The following GRM4 variants were observed in gnomAD, a reference collection of about 807,000 sequenced individuals.
GRM4 encodes the protein glutamate metabotropic receptor 4, also known as metabotropic glutamate receptor 4.
GRM4 carries 28 observed loss-of-function variants against 81.7 expected under a neutral mutation model. The observed-to-expected ratio is 0.34, with a 90% CI of 0.25 to 0.47. The LOEUF (loss-of-function observed/expected upper bound fraction) is 0.47. Ranked by LOEUF, GRM4 falls within the 20% of genes least tolerant of loss-of-function variation. The pLI, the probability that GRM4 is intolerant of heterozygous loss-of-function variation, is 1.00. For missense variants in GRM4, 948 were observed against 1,290.0 expected, an observed-to-expected ratio of 0.73 and a Z score of 4.06; for synonymous variants, 488 against 528.8, an observed-to-expected ratio of 0.92 and a Z score of 1.06.
chr6:34,138,888 C>A (rs1770570429), intron 1 of GRM4, among the ~76,000 whole-genome samples: 1 of 152,200 alleles, frequency 6.6e-6, no homozygotes, highest in Admixed American at 6.5e-5. Flanking sequence ...AAGGCCCCTT[C>A]CATAAGCAAC....
intron 2 of GRM4, among the ~76,000 whole-genome samples, chr6:34,119,805 G>C (rs1352480987): frequency 6.6e-6 from 1 of 152,226 alleles, no homozygotes. Context: ...ATGCTGCCAG[G>C]TGACCCAGCA....
chr6:34,057,397 A>T (rs1412560691), intron 5 of GRM4, among the ~76,000 whole-genome samples: 2 of 152,212 alleles, frequency 1.3e-5, no homozygotes, highest in African/African-American at 4.8e-5. Flanking sequence ...GGAAGCGTCC[A>T]AGTGGAAGCA....
At position 34,122,110 on chromosome 6, in the gene GRM4, C is replaced by T. The variant is rs889743062; in HGVS notation, c.519+10868G>A. Among the ~76,000 whole-genome samples the T allele has an allele frequency of 2.0e-5, 3 of 152,122 alleles. No homozygotes were observed. In the South Asian group the frequency reaches 6.2e-4, roughly 32 times the overall value. Reference sequence around the variant, plus strand: ...ATGTGTCCCACAGGGAACAGGTGGGCTTGACAGCCGTTCTGCCTCCAGCCC... The same window carrying T: ...ATGTGTCCCACAGGGAACAGGTGGGTTTGACAGCCGTTCTGCCTCCAGCCC... On this transcript the variant is annotated intron_variant, in intron 2 of 10. Coordinates refer to ENST00000538487, the MANE Select transcript of GRM4 (RefSeq NM_000841.4).
In GRM4 at chr6:34,090,753, G is replaced by A. The variant is rs1041920184; in HGVS notation, c.736+1130C>T. Among the ~76,000 whole-genome samples the A allele has an allele frequency of 3.3e-5, 5 of 152,008 alleles. No homozygotes were observed. Among genetic ancestry groups the A allele is most frequent in the Non-Finnish European group, 7.4e-5 (5 of 67,992 alleles). On this transcript the variant is annotated intron_variant, in intron 3 of 10. Transcript: ENST00000538487. The surrounding 1 kb of genome is among the most constrained non-coding windows in gnomAD (Gnocchi z 5.2). Reference sequence around the variant, plus strand: ...ATTATGCCCACGGGGTGTTACCAACGGCAGCCTCTGGACACTCTGTAGTCC... The same window carrying A: ...ATTATGCCCACGGGGTGTTACCAACAGCAGCCTCTGGACACTCTGTAGTCC...
At chr6:34,038,218 G>T (rs1371133275) in intron 8 of GRM4, among the ~76,000 whole-genome samples, 3 of 152,238 alleles carry the variant, frequency 2.0e-5, no homozygotes, top group African/African-American at 7.2e-5. Flanking sequence ...CTACCTGGCT[G>T]TGCGTCCTTG....
At chr6:34,088,036 A>G (rs1292138408) in intron 3 of GRM4, among the ~76,000 whole-genome samples, 1 of 152,088 alleles carries the variant, frequency 6.6e-6, no homozygotes, top group African/African-American at 2.4e-5. Flanking sequence ...GCCAGGCCCC[A>G]GGTAGGGCTG....
Position 34,040,331 on chromosome 6 carries a change from G to C in GRM4, c.1370-17C>G. On this transcript the variant is annotated splice_polypyrimidine_tract_variant and intron_variant, in intron 7 of 10. Coordinates refer to ENST00000538487, the MANE Select transcript of GRM4 (RefSeq NM_000841.4). Reference sequence around the variant, plus strand: ...CTGCGATGCCTGTAAGGGTGGGCGGGTGTCTTTGCAGAGCCTTTACCCAGA... The same window carrying C: ...CTGCGATGCCTGTAAGGGTGGGCGGCTGTCTTTGCAGAGCCTTTACCCAGA... 1 of 1,613,044 alleles carries C rather than the reference G, an allele frequency of 6.2e-7. No individual in the cohort carries two copies. The highest frequency in any genetic ancestry group is 8.5e-7 in the Non-Finnish European group (1 of 1,179,400).
chr6:34,057,595 C>T (rs994727633), intron 5 of GRM4, among the ~76,000 whole-genome samples: 11 of 152,244 alleles, frequency 7.2e-5, no homozygotes, highest in Admixed American at 2.0e-4. Context: ...AGCAGCATCC[C>T]CCAACTGTGA....
At chr6:34,135,779 A>G (rs1770431621) in intron 1 of GRM4, among the ~76,000 whole-genome samples, 1 of 152,250 alleles carries the variant, frequency 6.6e-6, no homozygotes, top group African/African-American at 2.4e-5. Flanking sequence ...CAGGTAATTC[A>G]GAAGAGAGAA....
chr6:34,040,087 G>A, intron 8 of GRM4, 91 bp downstream of exon 8: 1 of 1,292,320 alleles, frequency 7.7e-7, no homozygotes, highest in Non-Finnish European at 1.1e-6. Flanking sequence ...GGAGGTCAGG[G>A]CTAATCAGCA....
At chr6:34,044,357 TAC>T (rs1408735272) in intron 6 of GRM4, among the ~76,000 whole-genome samples, 18 of 142,604 alleles carry the variant, frequency 1.3e-4, no homozygotes, top group Non-Finnish European at 2.7e-4. Context: ...TACACATATA[TAC>T]ACAGACACAC....
Position 34,080,461 on chromosome 6 carries a change from C to T in GRM4, c.736+11422G>A, listed in dbSNP as rs948147679. Among the ~76,000 whole-genome samples the T allele has an allele frequency of 2.0e-5, 3 of 152,234 alleles. No individual in the cohort carries two copies. Among genetic ancestry groups the T allele is most frequent in the African/African-American group, 7.2e-5 (3 of 41,456 alleles). On this transcript the variant is annotated intron_variant, in intron 3 of 10. Transcript: ENST00000538487. The surrounding 1 kb of genome is among the most constrained non-coding windows in gnomAD (Gnocchi z 5.4). ...CATCTGCTTAGTCCACGGCCGTACC[C>T]CAGTGTCCTGGTCCAATGCCTGGCA... is the stretch of plus-strand genomic sequence containing the variant.
Position 34,091,954 on chromosome 6 carries a change from GACACATAGTT to G in GRM4, c.655_664del (p.Asn219ProfsTer33). On this transcript the variant is annotated frameshift_variant, in exon 3 of 11. Transcript: ENST00000538487. LOFTEE classifies it high-confidence loss of function. ...ATAGCTGCCCTCCGAGGCCACTGTG[GACACATAGTT>G]CCACTTGAGGGCACGGACGATGTCC... 6.2e-7 allele frequency: 1 copy of G among 1,614,160 alleles called. No homozygotes were observed. Among genetic ancestry groups the G allele is most frequent in the Non-Finnish European group, 8.5e-7 (1 of 1,179,974 alleles).
rs1769828161 is a variant in GRM4 at position 34,121,963 on chromosome 6, GA to G, written c.519+11014del. On this transcript the variant is annotated intron_variant, in intron 2 of 10. Coordinates refer to ENST00000538487, the MANE Select transcript of GRM4 (RefSeq NM_000841.4). The surrounding 1 kb of genome is among the most constrained non-coding windows in gnomAD (Gnocchi z 4.6). ...ATTGAGGGGCACCCTGAGTCGGAGG[GA>G]GGGGTCTGGGTGGGGCGGGTGCCCA... Among the ~76,000 whole-genome samples, 2 of 151,518 alleles carry G rather than the reference GA, an allele frequency of 1.3e-5. No individual in the cohort carries two copies. Among genetic ancestry groups the G allele is most frequent in the African/African-American group, 4.8e-5 (2 of 41,352 alleles).
intron 3 of GRM4, among the ~76,000 whole-genome samples, chr6:34,067,840 C>A (rs1159637901): frequency 1.3e-5 from 2 of 152,160 alleles, no homozygotes; most frequent in African/African-American, 2.4e-5. Flanking sequence ...TGGAGCCACA[C>A]CCCCACCGCA....
chr6:34,154,678 A>T (rs978660588), intron 1 of GRM4, among the ~76,000 whole-genome samples: 2 of 152,134 alleles, frequency 1.3e-5, no homozygotes, highest in African/African-American at 2.4e-5. Flanking sequence ...AAGCAGCAGC[A>T]GGAGGGCAGG....
At chr6:34,039,621 G>C (rs966730828) in intron 8 of GRM4, among the ~76,000 whole-genome samples, 14 of 152,244 alleles carry the variant, frequency 9.2e-5, no homozygotes, top group African/African-American at 3.1e-4. Flanking sequence ...CCATGAGCTA[G>C]GAAAGCGTGG....
intron 2 of GRM4, among the ~76,000 whole-genome samples, chr6:34,125,215 C>T (rs561090289): frequency 2.0e-4 from 31 of 152,296 alleles, no homozygotes; most frequent in Non-Finnish European, 2.8e-4. Flanking sequence ...CCTCGTGATC[C>T]GCCCGCCTTG....
At chr6:34,113,921 C>T (rs1769484902) in intron 2 of GRM4, among the ~76,000 whole-genome samples, 1 of 152,190 alleles carries the variant, frequency 6.6e-6, no homozygotes, top group Non-Finnish European at 1.5e-5. Context: ...CCTGCCACAC[C>T]TTCCCCTCCC....
Sources: allele counts gnomAD v4.1 joint callset (sites outside exome capture counted in the v4.1 genomes callset), GRCh38; gene constraint gnomAD v4.1.1; non-coding constraint Gnocchi (gnomAD v3.1); transcripts MANE v1.5; gene names NCBI Gene and HGNC (gene_info 2026-07-23, HGNC 2026-07-21).